The following ASXL1 variants were observed in gnomAD, a reference collection of about 807,000 sequenced individuals.
The protein encoded by ASXL1 is ASXL transcriptional regulator 1.
A neutral mutation model predicts 89.1 loss-of-function variants in ASXL1; 65 were observed. The observed-to-expected ratio is 0.73, with a 90% CI of 0.60 to 0.90. ASXL1 has a LOEUF of 0.90. ASXL1 is among the 40% of genes least tolerant of loss of function. The pLI is 0.00. For synonymous variants in ASXL1, 739 were observed against 746.9 expected (o/e 0.99, Z 0.17); for missense variants, 1,786 against 1,942.9 (o/e 0.92, Z 1.52).
intron 1 of ASXL1, among the ~76,000 whole-genome samples, chr20:32,364,947 T>C (rs1262835137): frequency 1.3e-5 from 2 of 152,126 alleles, no homozygotes; most frequent in Non-Finnish European, 2.9e-5. Flanking sequence ...TTGTGTTGGG[T>C]CAGGTAAGAG....
chr20:32,359,029 C>A, intron 1 of ASXL1, 197 bp downstream of exon 1: 2 of 636,626 alleles, frequency 3.1e-6, no homozygotes, highest in Non-Finnish European at 2.7e-6. Flanking sequence ...GCGCCTTTTT[C>A]CGCTCGCCCT....
intron 4 of ASXL1, among the ~76,000 whole-genome samples, chr20:32,383,295 G>A (rs2048520356): frequency 6.6e-6 from 1 of 150,446 alleles, no homozygotes; most frequent in South Asian, 2.1e-4. Flanking sequence ...GGCATTTATA[G>A]TTGTTGGTTT....
At chr20:32,414,550 A>G (rs369358051) in intron 4 of ASXL1, among the ~76,000 whole-genome samples, 3 of 152,086 alleles carry the variant, frequency 2.0e-5, no homozygotes, top group Non-Finnish European at 4.4e-5. Context: ...ATCTTATTTT[A>G]AAAAAAGCAC....
intron 4 of ASXL1, among the ~76,000 whole-genome samples, chr20:32,406,759 G>A (rs890960103): frequency 1.3e-5 from 2 of 151,972 alleles, no homozygotes; most frequent in East Asian, 1.9e-4. Context: ...TTCTCAACCC[G>A]CGTGGGCTTC....
intron 4 of ASXL1, among the ~76,000 whole-genome samples, chr20:32,375,534 T>C (rs192456495): frequency 6.6e-6 from 1 of 152,200 alleles, no homozygotes; most frequent in Non-Finnish European, 1.5e-5. Context: ...AACATTGATA[T>C]GATTGTGTAT....
At chr20:32,365,343 T>C (rs2048187320) in intron 1 of ASXL1, among the ~76,000 whole-genome samples, 1 of 152,204 alleles carries the variant, frequency 6.6e-6, no homozygotes, top group South Asian at 2.1e-4. Context: ...TTTTAGTACC[T>C]TCTCCAAACC....
chr20:32,365,940 C>T (rs756541803), intron 1 of ASXL1, among the ~76,000 whole-genome samples: 4 of 151,914 alleles, frequency 2.6e-5, no homozygotes, highest in East Asian at 1.9e-4. Context: ...GTCAGGAGTT[C>T]GAGACTAGCT....
chr20:32,423,223 A>G (rs1569309734), intron 4 of ASXL1, among the ~76,000 whole-genome samples: 1 of 147,818 alleles, frequency 6.8e-6, no homozygotes, highest in Admixed American at 6.8e-5. Context: ...CAGGAGTTTG[A>G]TTTTTTTTTT....
intron 10 of ASXL1, chr20:32,432,302 A>G (rs1377224254): frequency 5.8e-6 from 1 of 172,728 alleles, no homozygotes; most frequent in Non-Finnish European, 1.3e-5. Flanking sequence ...TAATTCCCCC[A>G]GTAACAAGTT....
At chr20:32,375,469 G>A (rs1280520284) in intron 4 of ASXL1, among the ~76,000 whole-genome samples, 2 of 150,392 alleles carry the variant, frequency 1.3e-5, no homozygotes, top group Non-Finnish European at 3.0e-5. Flanking sequence ...AAGAAAAAAA[G>A]AACAAAGACA....
intron 4 of ASXL1, 30 bp downstream of exon 4, chr20:32,369,153 GTGAT>G: frequency 4.5e-6 from 7 of 1,563,426 alleles, no homozygotes; most frequent in Non-Finnish European, 6.2e-6. Context: ...TTTTGGTGCA[GTGAT>G]TCTTGGACTT....
chr20:32,368,902 C>G, intron 3 of ASXL1, 113 bp from the exon 4 acceptor site: 1 of 775,534 alleles, frequency 1.3e-6, no homozygotes, highest in Non-Finnish European at 2.0e-6. Flanking sequence ...GAGATTTTTT[C>G]TTCTGTATTT....
chr20:32,411,387 C>G (rs1197632388), intron 4 of ASXL1, among the ~76,000 whole-genome samples: 1 of 150,830 alleles, frequency 6.6e-6, no homozygotes, highest in East Asian at 2.0e-4. Context: ...GCCACCATGC[C>G]CGGCTAATTT....
intron 4 of ASXL1, chr20:32,426,930 T>C (rs2011327269): frequency 6.6e-6 from 1 of 152,224 alleles, no homozygotes; most frequent in Admixed American, 6.5e-5. Flanking sequence ...GAAACTTCAA[T>C]GTAGTGGATC....
chr20:32,388,780 A>T (rs1420250769), intron 4 of ASXL1, among the ~76,000 whole-genome samples: 2 of 152,060 alleles, frequency 1.3e-5, no homozygotes, highest in African/African-American at 4.8e-5. Context: ...TCTCTTTAAG[A>T]TAGTGATTAT....
intron 1 of ASXL1, among the ~76,000 whole-genome samples, chr20:32,364,673 T>C (rs1436336386): frequency 6.6e-6 from 1 of 152,170 alleles, no homozygotes; most frequent in Non-Finnish European, 1.5e-5. Flanking sequence ...GCTGAGACTA[T>C]AGGTGTGCAC....
intron 4 of ASXL1, among the ~76,000 whole-genome samples, chr20:32,371,376 A>G (rs1465797648): frequency 6.6e-6 from 1 of 151,960 alleles, no homozygotes; most frequent in African/African-American, 2.4e-5. Context: ...GCCTTGACCT[A>G]CTAGGCTCAA....
intron 10 of ASXL1, chr20:32,432,370 G>GT (rs1247802321): frequency 5.5e-6 from 1 of 180,416 alleles, no homozygotes; most frequent in Admixed American, 5.4e-5. Flanking sequence ...GGTGCCCAGG[G>GT]TTTTTATCAA....
At chr20:32,393,372 GT>G (rs1032311724) in intron 4 of ASXL1, among the ~76,000 whole-genome samples, 1 of 151,752 alleles carries the variant, frequency 6.6e-6, no homozygotes, top group African/African-American at 2.4e-5. Flanking sequence ...GTTTAAAGTG[GT>G]TTTTTTTCCC....
Sources: gnomAD v4.1 joint callset for allele counts (sites outside exome capture counted in the v4.1 genomes callset) on GRCh38, gnomAD v4.1.1 for gene constraint, MANE v1.5 for transcripts, NCBI Gene and HGNC (gene_info 2026-07-23, HGNC 2026-07-21) for gene names.